The following ELOA variants were observed in gnomAD, a reference collection of about 807,000 sequenced individuals.
ELOA encodes the protein elongin A.
In ELOA, 15 loss-of-function variants were observed where a neutral mutation model predicts 85.2. That is an observed-to-expected ratio of 0.18 (90% CI 0.12 to 0.27). ELOA has a LOEUF of 0.27. Among genes scored for constraint, ELOA ranks in the 10% least tolerant of loss-of-function variants. The pLI, the probability that ELOA is intolerant of heterozygous loss-of-function variation, is 1.00. For missense variants in ELOA, 769 were observed against 952.7 expected (o/e 0.81, Z 2.54); for synonymous variants, 348 against 357.2 (o/e 0.97, Z 0.29).
intron 8 of ELOA, 114 bp from the exon 9 acceptor site, chr1:23,756,160 G>A (rs949283081): frequency 1.1e-5 from 15 of 1,412,058 alleles, no homozygotes; most frequent in East Asian, 5.0e-5. Flanking sequence ...TTCTGCCACC[G>A]CCCATTCTAC....
Position 23,760,191 on chromosome 1 carries a change from C to G in ELOA, c.*618C>G, listed in dbSNP as rs1263087076. ...CCACCTCAGGCCCTCCCCACTGTTG[C>G]TGTGCATTCCTGTGCAGGTGCATCT... On this transcript the variant is annotated 3_prime_UTR_variant, in exon 11 of 11. Transcript: ENST00000613537. 6.6e-6 allele frequency: 1 copy of G among 152,404 alleles called. No individual in the cohort carries two copies. The highest frequency in any genetic ancestry group is 1.9e-4 in the East Asian group (1 of 5,192). The allele number at this position is 152,404 out of a possible 1,614,324, so 9.4% of individuals were successfully genotyped here.
chr1:23,761,319 A>C lies in ELOA; in HGVS notation c.*1746A>C, dbSNP rs1401252202. Reference sequence around the variant, plus strand: ...GCCTCTTAACTGAAACCAAATGAACATTTGGGTCAGGTGCCAGATGTCTGC... The same window carrying C: ...GCCTCTTAACTGAAACCAAATGAACCTTTGGGTCAGGTGCCAGATGTCTGC... On this transcript the variant is annotated 3_prime_UTR_variant, in exon 11 of 11. Transcript: ENST00000613537. 1 of 152,184 alleles carries C rather than the reference A, an allele frequency of 6.6e-6. No homozygotes were observed. Among genetic ancestry groups the C allele is most frequent in the Non-Finnish European group, 1.5e-5 (1 of 68,040 alleles). 9.4% of individuals were successfully genotyped at this position (152,184 alleles called of 1,614,324 possible).
chr1:23,748,957 TA>T lies in ELOA; in HGVS notation c.76-62del, dbSNP rs1463942815. On this transcript the variant is annotated intron_variant, in intron 1 of 10. Transcript: ENST00000613537. ...CTGTAAATGGTTAGCACTAAGCACT[TA>T]ATAATCAGATATTCTTGTTAAAGTG... The T allele has an allele frequency of 4.4e-6, 6 of 1,374,916 alleles. No homozygotes were observed. In the African/African-American group the frequency reaches 8.5e-5, roughly 20 times the overall value. The allele number at this position is 1,374,916 out of a possible 1,614,324, so 85.2% of individuals were successfully genotyped here.
At chr1:23,749,796 T>TAGC in intron 2 of ELOA, 46 bp from the exon 3 acceptor site, 1 of 1,536,442 alleles carries the variant, frequency 6.5e-7, no homozygotes. Flanking sequence ...AGAAAAACGT[T>TAGC]AGCCTAGTTC....
rs1027730082 is a variant in ELOA at position 23,756,019 on chromosome 1, C to T, written c.1968C>T (p.Pro656=). The change falls in exon 8 of 11, where the codon CCC becomes CCT. Residue 656 remains proline (P), a synonymous_variant. Transcript: ENST00000613537. The part of the protein sequence containing the change: ...KNIQFAHANK[P]KGRQAKMAFV... ...TCCAGTTCGCACATGCCAATAAGCC[C>T]AAAGGTAACAGAGACGGGAGAGCTG... The T allele has an allele frequency of 1.9e-6, 3 of 1,612,264 alleles. No individual in the cohort carries two copies. Among genetic ancestry groups the T allele is most frequent in the Non-Finnish European group, 2.5e-6 (3 of 1,179,412 alleles).
At chr1:23,744,816 G>A (rs1332283610) in intron 1 of ELOA, among the ~76,000 whole-genome samples, 1 of 152,182 alleles carries the variant, frequency 6.6e-6, no homozygotes, top group Admixed American at 6.5e-5. Flanking sequence ...AGTCGTGGAG[G>A]GAGGGCTAGG....
At chr1:23,757,237 G>T (rs773610154) in intron 10 of ELOA, 112 bp downstream of exon 10, 6 of 1,189,690 alleles carry the variant, frequency 5.0e-6, no homozygotes, top group Non-Finnish European at 6.9e-6. Flanking sequence ...TGTACATGAT[G>T]CCTTGCACAT....
At chr1:23,757,789 T>C (rs957432655) in intron 10 of ELOA, among the ~76,000 whole-genome samples, 10 of 144,804 alleles carry the variant, frequency 6.9e-5, no homozygotes, top group East Asian at 2.0e-4. Context: ...TGAGCCACTG[T>C]GCCCGGCCGA....
Position 23,761,989 on chromosome 1 carries a change from G to A in ELOA, c.*2416G>A, listed in dbSNP as rs1254911220. On this transcript the variant is annotated 3_prime_UTR_variant, in exon 11 of 11. Coordinates refer to ENST00000613537, the MANE Select transcript of ELOA (RefSeq NM_003198.3). ...ATGTTACTTTTTTGTGGTAACTACCGAGATGAATATTTTAATTAGATAAGT... is the reference window on the plus strand; with the variant it reads ...ATGTTACTTTTTTGTGGTAACTACCAAGATGAATATTTTAATTAGATAAGT... 2 of 152,030 alleles carry A rather than the reference G, an allele frequency of 1.3e-5. No homozygotes were observed. Among genetic ancestry groups the A allele is most frequent in the Non-Finnish European group, 2.9e-5 (2 of 68,016 alleles). The allele number at this position is 152,030 out of a possible 1,614,324, so 9.4% of individuals were successfully genotyped here. A position where few individuals can be genotyped will look rare whatever the true frequency, so the allele number is the denominator to read the frequency against.
Position 23,751,919 on chromosome 1 carries a change from A to G in ELOA, c.1314A>G (p.Lys438=), listed in dbSNP as rs1054125353. 1.9e-6 allele frequency: 3 copies of G among 1,613,982 alleles called. No individual in the cohort carries two copies. The highest frequency in any genetic ancestry group is 2.5e-6 in the Non-Finnish European group (3 of 1,180,024). ...ATALGDKGLK[K]NDSKSTGKNL... is the part of the protein sequence containing the mutation. ...CACTTGGAGATAAAGGACTTAAAAA[A>G]AATGACTCTAAAAGCACTGGTAAAA... Residue 438 remains lysine (K), a synonymous_variant, in exon 4 of 11, where the codon AAA becomes AAG. Coordinates refer to ENST00000613537, the MANE Select transcript of ELOA (RefSeq NM_003198.3).
At chr1:23,757,270 T>G in intron 10 of ELOA, 145 bp downstream of exon 10, 1 of 864,070 alleles carries the variant, frequency 1.2e-6, no homozygotes, top group Non-Finnish European at 1.7e-6. Context: ...TGTCAGTCCC[T>G]CCTTCCCCCT....
At chr1:23,753,755 G>A (rs1003117770) in intron 5 of ELOA, among the ~76,000 whole-genome samples, 8 of 152,208 alleles carry the variant, frequency 5.3e-5, no homozygotes, top group South Asian at 2.1e-4. Context: ...GCTGTTGAGA[G>A]TCTTGCTGTG....
chr1:23,753,958 T>G lies in ELOA; in HGVS notation c.1538-142T>G, dbSNP rs1262310414. The G allele has an allele frequency of 2.8e-6, 3 of 1,055,846 alleles. No individual in the cohort carries two copies. The East Asian group carries it at 7.7e-5, about 27-fold the overall frequency. The allele number at this position is 1,055,846 out of a possible 1,614,324, so 65.4% of individuals were successfully genotyped here. The stretch of plus-strand genomic sequence containing the variant: ...CCTAAAGTGCTGGGATTACAGGAGC[T>G]TATTTTTAAATTCTCTGGAAGGATC... On this transcript the variant is annotated intron_variant, in intron 5 of 10. Transcript: ENST00000613537.
Position 23,751,799 on chromosome 1 carries a change from T to G in ELOA, c.1194T>G (p.Asp398Glu). The change falls in exon 4 of 11, where the codon GAT (aspartate) becomes GAG (glutamate). Residue 398 changes from aspartate (D) to glutamate (E), a missense_variant. By Grantham distance (45) the Asp-to-Glu change is conservative. Transcript: ENST00000613537. ...AAGTTGAGGAGACAGATATGGAGGATGAATTCGAGCAGCCAACCATGTCTT... is the reference window on the plus strand; with the variant it reads ...AAGTTGAGGAGACAGATATGGAGGAGGAATTCGAGCAGCCAACCATGTCTT... ...LPKVEETDME[D>E]EFEQPTMSFE... The G allele has an allele frequency of 6.2e-7, 1 of 1,614,106 alleles. No individual in the cohort carries two copies.
Position 23,749,029 on chromosome 1 carries a change from A to G in ELOA, c.84A>G (p.Lys28=), listed in dbSNP as rs1644758189. 1.2e-6 allele frequency: 2 copies of G among 1,613,032 alleles called. No individual in the cohort carries two copies. Among genetic ancestry groups the G allele is most frequent in the Non-Finnish European group, 1.7e-6 (2 of 1,179,356 alleles). ...AANPDPKKLL[K]YLKKLSTLPI... is the part of the protein sequence containing the mutation. ...TGTTTTCTTCTCTGCAGCTATTGAA[A>G]TATTTGAAGAAACTCTCCACCCTGC... Residue 28 remains lysine, a synonymous_variant, in exon 2 of 11, where the codon AAA becomes AAG. Coordinates refer to ENST00000613537, the MANE Select transcript of ELOA (RefSeq NM_003198.3).
chr1:23,753,999 C>A lies in ELOA; in HGVS notation c.1538-101C>A, dbSNP rs952485958. On this transcript the variant is annotated intron_variant, in intron 5 of 10. Coordinates refer to ENST00000613537, the MANE Select transcript of ELOA (RefSeq NM_003198.3). The stretch of plus-strand genomic sequence containing the variant: ...TGGAAGGATCTACAAAAATCTGTAG[C>A]GTGGATTGCCATTGGGAAAGGGAAG... 5.7e-6 allele frequency: 8 copies of A among 1,401,684 alleles called. No individual in the cohort carries two copies. In the East Asian group the frequency reaches 1.6e-4, roughly 28 times the overall value. 86.8% of individuals were successfully genotyped at this position (1,401,684 alleles called of 1,614,324 possible). A position where few individuals can be genotyped will look rare whatever the true frequency, so the allele number is the denominator to read the frequency against.
At chr1:23,743,839 C>G (rs983038022) in intron 1 of ELOA, among the ~76,000 whole-genome samples, 7 of 152,170 alleles carry the variant, frequency 4.6e-5, no homozygotes, top group Non-Finnish European at 8.8e-5. Flanking sequence ...CACCGCGTGC[C>G]TAGCGCTTCC....
In ELOA at chr1:23,759,390, C is replaced by G. The variant is rs1402665568; in HGVS notation, c.2258-122C>G. ...TTGTGAACAGAGGAGATAGTTACTA[C>G]TTGTATCTCTGCCTGGTGGTGCACA... On this transcript the variant is annotated intron_variant, in intron 10 of 10. Transcript: ENST00000613537. 1.0e-5 allele frequency: 9 copies of G among 902,756 alleles called. No homozygotes were observed. In the Admixed American group the frequency reaches 1.1e-4, roughly 12 times the overall value. 55.9% of individuals were successfully genotyped at this position (902,756 alleles called of 1,614,324 possible).
intron 10 of ELOA, among the ~76,000 whole-genome samples, chr1:23,758,075 T>C (rs974269024): frequency 2.6e-5 from 4 of 151,342 alleles, no homozygotes; most frequent in South Asian, 2.1e-4. Context: ...TGAATGACCA[T>C]TTTGGCACTC....
Sources: allele counts gnomAD v4.1 joint callset (sites outside exome capture counted in the v4.1 genomes callset), GRCh38; gene constraint gnomAD v4.1.1; transcripts MANE v1.5; gene names NCBI Gene and HGNC (gene_info 2026-07-23, HGNC 2026-07-21).